SSH2: variants seen among roughly 807,000 people sequenced by gnomAD.
SSH2 encodes the protein slingshot protein phosphatase 2.
SSH2 carries 37 observed loss-of-function variants against 135.2 expected under a neutral mutation model. That is an observed-to-expected ratio of 0.27 (90% confidence interval 0.21 to 0.36). SSH2 has a LOEUF of 0.36. Ranked by LOEUF, SSH2 falls within the 10% of genes least tolerant of loss-of-function variation. The pLI is 1.00. For synonymous variants in SSH2, 628 were observed against 646.2 expected, an observed-to-expected ratio of 0.97 and a Z score of 0.43; for missense variants, 1,408 against 1,765.3, an observed-to-expected ratio of 0.80 and a Z score of 3.63.
chr17:29,682,067 T>C (rs749325044), intron 6 of SSH2, among the ~76,000 whole-genome samples: 13 of 152,374 alleles, frequency 8.5e-5, no homozygotes, highest in Admixed American at 1.3e-4. Flanking sequence ...GACAGGGCCA[T>C]TGGCAAAAGA....
chr17:29,703,162 T>C, intron 3 of SSH2, 100 bp from the exon 4 acceptor site: 1 of 813,428 alleles, frequency 1.2e-6, no homozygotes, highest in Non-Finnish European at 2.1e-6. Flanking sequence ...TATTCCAAAG[T>C]CCCAACTTCA....
At chr17:29,849,125 C>G (rs1259411433) in intron 1 of SSH2, among the ~76,000 whole-genome samples, 196 bp from the exon 2 acceptor site, 2 of 152,212 alleles carry the variant, frequency 1.3e-5, no homozygotes, top group Non-Finnish European at 2.9e-5. Flanking sequence ...GCTTGATCAA[C>G]TGAAGCATTT....
chr17:29,680,098 A>C (rs914799410), intron 6 of SSH2, among the ~76,000 whole-genome samples: 1 of 152,210 alleles, frequency 6.6e-6, no homozygotes, highest in African/African-American at 2.4e-5. Context: ...TGAATCTGTA[A>C]TGGGTGCTCT....
Position 29,809,935 on chromosome 17 carries a change from G to A in SSH2, c.145-15998C>T, listed in dbSNP as rs190375582. ...TGATCCCTCTAGGACTGGGTTCCAC[G>A]GTCTTTCCAAATACAACCATACTCC... On this transcript the variant is annotated intron_variant, in intron 2 of 15. Transcript: ENST00000540801. Among the ~76,000 whole-genome samples the A allele has an allele frequency of 9.2e-5, 14 of 152,120 alleles. No individual in the cohort carries two copies. The East Asian group carries it at 2.3e-3, about 25-fold the overall frequency.
chr17:29,928,296 G>A (rs2067106262), intron 1 of SSH2: 1 of 368,568 alleles, frequency 2.7e-6, no homozygotes. Context: ...TTATATTAAA[G>A]ATTTATTCCT....
intron 3 of SSH2, among the ~76,000 whole-genome samples, chr17:29,741,660 G>C (rs1214113286): frequency 3.4e-5 from 5 of 148,752 alleles, no homozygotes; most frequent in Admixed American, 1.4e-4. Flanking sequence ...TTCTTGCCCA[G>C]GCTGGAGTGC....
At chr17:29,635,193 C>T (rs914780108) in intron 15 of SSH2, among the ~76,000 whole-genome samples, 10 of 152,014 alleles carry the variant, frequency 6.6e-5, no homozygotes, top group Non-Finnish European at 1.3e-4. Flanking sequence ...TGAGCCACCG[C>T]GCCCGGCCAG....
rs376433900 is a variant in SSH2, at chr17:29,684,597, T to C, written c.445A>G (p.Ile149Val). Residue 149 changes from isoleucine (I) to valine (V), a missense_variant, in exon 6 of 16, where the codon ATC becomes GTC. Coordinates refer to ENST00000540801, the MANE Select transcript of SSH2 (RefSeq NM_001282129.2). ...TNGRQDTEESIVLGMDFSSND... is the reference protein window; with the variant it reads ...TNGRQDTEESVVLGMDFSSND... ...GAGGAGAAATCCATTCCTAGGACGATGCTTTCTTCAGTGTCTTGTCTACCA... is the reference window on the plus strand; with the variant it reads ...GAGGAGAAATCCATTCCTAGGACGACGCTTTCTTCAGTGTCTTGTCTACCA... The C allele has an allele frequency of 3.7e-6, 6 of 1,613,540 alleles. No individual in the cohort carries two copies. Among genetic ancestry groups the C allele is most frequent in the Non-Finnish European group, 5.1e-6 (6 of 1,179,718 alleles).
At chr17:29,847,569 C>T (rs2043154357) in intron 2 of SSH2, among the ~76,000 whole-genome samples, 1 of 152,176 alleles carries the variant, frequency 6.6e-6, no homozygotes, top group Admixed American at 6.5e-5. Context: ...CAACTCTTCC[C>T]TTCACTTCCC....
chr17:29,864,350 A>T lies in SSH2; in HGVS notation c.64-15421T>A, dbSNP rs954150522. ...AAATAAATAAATAGATAGATAGATT[A>T]AAAAAATACTAAAAGAACCCAGTAA... On this transcript the variant is annotated intron_variant, in intron 1 of 15. Transcript: ENST00000540801. The T allele has an allele frequency of 6.3e-5, 9 of 142,650 alleles. No homozygotes were observed. In the South Asian group the frequency reaches 1.1e-3, roughly 18 times the overall value. 8.8% of individuals were successfully genotyped at this position (142,650 alleles called of 1,614,324 possible). A position where few individuals can be genotyped will look rare whatever the true frequency, so the allele number is the denominator to read the frequency against.
At chr17:29,892,755 A>C (rs1354932128) in intron 1 of SSH2, among the ~76,000 whole-genome samples, 1 of 151,190 alleles carries the variant, frequency 6.6e-6, no homozygotes, top group Admixed American at 6.6e-5. Context: ...AACCTTCCAA[A>C]TCTCTCTCTC....
At chr17:29,913,126 T>C (rs2151475751) in intron 1 of SSH2, among the ~76,000 whole-genome samples, 1 of 150,468 alleles carries the variant, frequency 6.6e-6, no homozygotes, top group East Asian at 2.0e-4. Context: ...GAGACCAGCC[T>C]GGCCAACATG....
chr17:29,631,437 G>C lies in SSH2; in HGVS notation c.3757C>G (p.His1253Asp). 6.2e-7 allele frequency: 1 copy of C among 1,614,180 alleles called. No homozygotes were observed. The highest frequency in any genetic ancestry group is 8.5e-7 in the Non-Finnish European group (1 of 1,180,040). Residue 1253 changes from histidine (H) to aspartate (D), a missense_variant, in exon 16 of 16, where the codon CAC (histidine) becomes GAC (aspartate). Transcript: ENST00000540801. ...CGCTCCTTCACCACACCGGGGCTGT[G>C]GCTGAGACTCTTTATGTTTTCACTA... ...SSSENIKSLS[H>D]SPGVVKERAK...
At chr17:29,695,669 C>T (rs2038697316) in intron 4 of SSH2, 146 bp from the exon 5 acceptor site, 1 of 662,514 alleles carries the variant, frequency 1.5e-6, no homozygotes, top group Admixed American at 3.2e-5. Flanking sequence ...TGATTATTAA[C>T]TTCTTTTAAA....
At chr17:29,677,497 G>A (rs1286848226) in intron 7 of SSH2, among the ~76,000 whole-genome samples, 176 bp downstream of exon 7, 1 of 152,146 alleles carries the variant, frequency 6.6e-6, no homozygotes, top group Non-Finnish European at 1.5e-5. Context: ...GAGAGACCCT[G>A]GCAAGTTGTA....
intron 2 of SSH2, among the ~76,000 whole-genome samples, chr17:29,820,258 G>A (rs1161160949): frequency 6.6e-6 from 1 of 152,168 alleles, no homozygotes; most frequent in Non-Finnish European, 1.5e-5. Flanking sequence ...AACACAGATT[G>A]TAAACACCTA....
chr17:29,675,423 T>C (rs2037665896), intron 8 of SSH2, among the ~76,000 whole-genome samples: 1 of 152,184 alleles, frequency 6.6e-6, no homozygotes. Flanking sequence ...TTCAAATCCC[T>C]GACTGGGGAA....
intron 2 of SSH2, among the ~76,000 whole-genome samples, chr17:29,844,013 A>AT: frequency 6.6e-6 from 1 of 152,240 alleles, no homozygotes; most frequent in Admixed American, 6.5e-5. Flanking sequence ...TAATTCTTAC[A>AT]TTTTAGACTT....
chr17:29,707,635 C>T (rs373652213), intron 3 of SSH2, among the ~76,000 whole-genome samples: 3 of 151,782 alleles, frequency 2.0e-5, no homozygotes, highest in Non-Finnish European at 4.4e-5. Context: ...AAACGATTCT[C>T]GTGCCTCAGC....
Sources: gnomAD v4.1 joint callset for allele counts (sites outside exome capture counted in the v4.1 genomes callset) on GRCh38, gnomAD v4.1.1 for gene constraint, MANE v1.5 for transcripts, NCBI Gene and HGNC (gene_info 2026-07-23, HGNC 2026-07-21) for gene names.